Variants in ARL8B observed in about 807,000 individuals in gnomAD.
The protein encoded by ARL8B is ADP-ribosylation factor-like protein 8B.
A neutral mutation model predicts 30.6 loss-of-function variants in ARL8B; 9 were observed. The observed-to-expected ratio is 0.29, with a 90% CI of 0.18 to 0.51. The LOEUF is 0.51. Ranked by LOEUF, ARL8B falls within the 20% of genes least tolerant of loss-of-function variation. The pLI, the probability that ARL8B is intolerant of heterozygous loss-of-function variation, is 0.97. For synonymous variants in ARL8B, 74 were observed against 76.0 expected (o/e 0.97, Z 0.14); for missense variants, 130 against 227.2 (o/e 0.57, Z 2.75).
intron 1 of ARL8B, among the ~76,000 whole-genome samples, chr3:5,123,743 C>G (rs11915760): frequency 0.046 from 6,958 of 152,176 alleles, 343 homozygotes; most frequent in East Asian, 0.13. Flanking sequence ...AGTCCTTGCA[C>G]TAATAAAGCA....
chr3:5,165,831 A>G (rs1355939008), intron 1 of ARL8B, among the ~76,000 whole-genome samples: 2 of 152,178 alleles, frequency 1.3e-5, no homozygotes, highest in Non-Finnish European at 2.9e-5. Flanking sequence ...TCTTCATTTA[A>G]AAGAACAATT....
chr3:5,153,472 G>C (rs2054503808), intron 1 of ARL8B, among the ~76,000 whole-genome samples: 1 of 152,002 alleles, frequency 6.6e-6, no homozygotes, highest in African/African-American at 2.4e-5. Flanking sequence ...TGATTGTGAG[G>C]CTTCCCCAGC....
At chr3:5,138,640 C>T (rs906104161) in intron 1 of ARL8B, among the ~76,000 whole-genome samples, 1 of 152,202 alleles carries the variant, frequency 6.6e-6, no homozygotes. Flanking sequence ...GTCACTCCAA[C>T]TTCTTACTGC....
chr3:5,163,095 C>T (rs907423246), intron 1 of ARL8B, among the ~76,000 whole-genome samples: 2 of 149,088 alleles, frequency 1.3e-5, no homozygotes, highest in African/African-American at 5.0e-5. Flanking sequence ...TGAAGTGATT[C>T]TCCTACCTCC....
At chr3:5,137,179 A>T (rs1323911286) in intron 1 of ARL8B, among the ~76,000 whole-genome samples, 1 of 152,052 alleles carries the variant, frequency 6.6e-6, no homozygotes, top group Non-Finnish European at 1.5e-5. Flanking sequence ...GCATGAGAAT[A>T]CTTGCCCCAT....
At chr3:5,173,039 G>T (rs1276312297) in intron 4 of ARL8B, among the ~76,000 whole-genome samples, 2 of 152,198 alleles carry the variant, frequency 1.3e-5, no homozygotes, top group African/African-American at 2.4e-5. Context: ...GGTTTAGTGG[G>T]AAAGGTAGAT....
intron 1 of ARL8B, among the ~76,000 whole-genome samples, chr3:5,150,324 G>A (rs369144838): frequency 1.3e-5 from 2 of 151,884 alleles, no homozygotes; most frequent in East Asian, 3.9e-4. Context: ...TTAGCCAGGC[G>A]TGGTGGCACA....
intron 1 of ARL8B, among the ~76,000 whole-genome samples, chr3:5,131,639 C>T (rs548581120): frequency 1.3e-5 from 2 of 152,252 alleles, no homozygotes; most frequent in African/African-American, 2.4e-5. Flanking sequence ...GATCCACCCA[C>T]CTCGGCCTCC....
rs556990020 is a variant in ARL8B at position 5,128,200 on chromosome 3, A to G, written c.123+5612A>G. On this transcript the variant is annotated intron_variant, in intron 1 of 6. Coordinates refer to ENST00000256496, the MANE Select transcript of ARL8B (RefSeq NM_018184.3). Reference sequence around the variant, plus strand: ...AAAAAAAAAGCAGAAATAATTTTGTATTTGATTGTATTGCTTATTATTTAA... The same window carrying G: ...AAAAAAAAAGCAGAAATAATTTTGTGTTTGATTGTATTGCTTATTATTTAA... Among the ~76,000 whole-genome samples the G allele has an allele frequency of 8.1e-5, 12 of 148,646 alleles. No individual in the cohort carries two copies. The East Asian group carries it at 1.2e-3, about 15-fold the overall frequency.
intron 1 of ARL8B, among the ~76,000 whole-genome samples, chr3:5,157,288 A>G (rs923888464): frequency 1.3e-5 from 2 of 152,202 alleles, no homozygotes; most frequent in Non-Finnish European, 2.9e-5. Context: ...CTTGGGGGTG[A>G]GCCCAGGAGT....
chr3:5,123,241 A>T (rs2054199524), intron 1 of ARL8B, among the ~76,000 whole-genome samples: 1 of 152,238 alleles, frequency 6.6e-6, no homozygotes, highest in Non-Finnish European at 1.5e-5. Context: ...TTAAGCGACT[A>T]GATAAGATGG....
chr3:5,164,718 T>A (rs903576414), intron 1 of ARL8B, among the ~76,000 whole-genome samples: 17 of 152,204 alleles, frequency 1.1e-4, no homozygotes, highest in African/African-American at 4.1e-4. Context: ...TCCATTTTTG[T>A]CAGTTGACCC....
chr3:5,142,823 C>T (rs891373305), intron 1 of ARL8B, among the ~76,000 whole-genome samples: 7 of 152,184 alleles, frequency 4.6e-5, no homozygotes, highest in Non-Finnish European at 1.0e-4. Flanking sequence ...ATACCTGAGA[C>T]ACTACTTTTG....
chr3:5,131,200 C>A (rs771210264), intron 1 of ARL8B, among the ~76,000 whole-genome samples: 1 of 151,972 alleles, frequency 6.6e-6, no homozygotes, highest in South Asian at 2.1e-4. Flanking sequence ...CCACCGTGCC[C>A]GGCCACCATT....
At chr3:5,147,469 A>G (rs770845985) in intron 1 of ARL8B, among the ~76,000 whole-genome samples, 10 of 152,132 alleles carry the variant, frequency 6.6e-5, no homozygotes, top group South Asian at 6.3e-4. Flanking sequence ...TATTCAGGAC[A>G]TTCTCTTAAA....
chr3:5,160,755 C>G (rs1332548126), intron 1 of ARL8B, among the ~76,000 whole-genome samples: 1 of 152,214 alleles, frequency 6.6e-6, no homozygotes, highest in Non-Finnish European at 1.5e-5. Flanking sequence ...GAATTTTTAT[C>G]TGCTGTATTC....
At position 5,153,552 on chromosome 3, in the gene ARL8B, C is replaced by T. The variant is rs531013951; in HGVS notation, c.124-16951C>T. 5.9e-5 allele frequency among the ~76,000 whole-genome samples: 9 copies of T among 152,178 alleles called. No individual in the cohort carries two copies. In the South Asian group the frequency reaches 1.9e-3, roughly 31 times the overall value. ...TGCCCACTCTTGGATATGTGTTTAT[C>T]AGTAGCGTGAAAATGGACTAATACG... On this transcript the variant is annotated intron_variant, in intron 1 of 6. Transcript: ENST00000256496.
At chr3:5,160,505 G>A (rs927114858) in intron 1 of ARL8B, among the ~76,000 whole-genome samples, 4 of 152,186 alleles carry the variant, frequency 2.6e-5, no homozygotes, top group African/African-American at 7.2e-5. Flanking sequence ...AATTGAAATT[G>A]TGGTTTGGAG....
At chr3:5,168,818 TAA>T (rs1278267661) in intron 1 of ARL8B, among the ~76,000 whole-genome samples, 1 of 152,210 alleles carries the variant, frequency 6.6e-6, no homozygotes, top group Non-Finnish European at 1.5e-5. Flanking sequence ...AAGCTAGTTG[TAA>T]AGTTTGGTAC....
Sources: gnomAD v4.1 joint callset for allele counts (sites outside exome capture counted in the v4.1 genomes callset) on GRCh38, gnomAD v4.1.1 for gene constraint, MANE v1.5 for transcripts, NCBI Gene and HGNC (gene_info 2026-07-23, HGNC 2026-07-21) for gene names.